Variants in ATOSA observed in about 807,000 individuals in gnomAD.
The protein encoded by ATOSA is atos homolog protein A.
chr15:52,636,124 TA>T, the ATOSA span, among the ~76,000 whole-genome samples: 467 of 35,220 alleles, frequency 0.013, 2 homozygotes, highest in East Asian at 0.053. Flanking sequence ...ATAAATTTAA[TA>T]AATATATATT....
chr15:52,640,571 C>CAAAAAAAAAAAAAAA, the ATOSA span, among the ~76,000 whole-genome samples: 18 of 27,570 alleles, frequency 6.5e-4, 3 homozygotes, highest in African/African-American at 3.4e-3. Flanking sequence ...ACTCAAGTCT[C>CAAAAAAAAAAAAAAA]AAAAAAAAAA....
the ATOSA span, among the ~76,000 whole-genome samples, chr15:52,602,019 TTTCTTA>T: frequency 1.3e-5 from 2 of 152,172 alleles, no homozygotes; most frequent in Non-Finnish European, 2.9e-5. Flanking sequence ...AATATTGCAT[TTTCTTA>T]TTCTATTTAG....
the ATOSA span, among the ~76,000 whole-genome samples, chr15:52,597,864 C>T: frequency 2.0e-5 from 3 of 152,170 alleles, no homozygotes; most frequent in Admixed American, 6.5e-5. Context: ...GTGGCTTATG[C>T]CTGTAATCCC....
At chr15:52,598,675 T>C in the ATOSA span, 7 of 152,202 alleles carry the variant, frequency 4.6e-5, no homozygotes, top group Non-Finnish European at 1.5e-5. Context: ...GGAAAATGTA[T>C]GTATATCTGC....
the ATOSA span, among the ~76,000 whole-genome samples, chr15:52,703,013 A>G: frequency 1.3e-5 from 2 of 152,190 alleles, no homozygotes; most frequent in Admixed American, 1.3e-4. Flanking sequence ...CTAAATGTCA[A>G]TTATCAGGTA....
At chr15:52,617,342 A>G in the ATOSA span, among the ~76,000 whole-genome samples, 1 of 152,134 alleles carries the variant, frequency 6.6e-6, no homozygotes, top group Non-Finnish European at 1.5e-5. Flanking sequence ...TGAGCCAGGA[A>G]GAGAGCTCTC....
the ATOSA span, among the ~76,000 whole-genome samples, chr15:52,584,105 A>G: frequency 2.6e-5 from 4 of 151,160 alleles, no homozygotes; most frequent in South Asian, 2.1e-4. Context: ...AAAAAAAAAA[A>G]AAAAAGAAAA....
the ATOSA span, among the ~76,000 whole-genome samples, chr15:52,652,265 G>A: frequency 1.3e-5 from 2 of 152,194 alleles, no homozygotes; most frequent in East Asian, 1.9e-4. Flanking sequence ...GTATTCTAGC[G>A]TTTGCCCCTG....
the ATOSA span, among the ~76,000 whole-genome samples, chr15:52,638,371 C>G: frequency 5.3e-5 from 8 of 152,028 alleles, no homozygotes; most frequent in African/African-American, 1.9e-4. Flanking sequence ...AAGAGTGAAC[C>G]CTAACGTAAA....
At chr15:52,606,116 C>T in the ATOSA span, among the ~76,000 whole-genome samples, 3 of 151,868 alleles carry the variant, frequency 2.0e-5, no homozygotes, top group South Asian at 2.1e-4. Flanking sequence ...GGATAAGGGG[C>T]GACTACTGTA....
the ATOSA span, among the ~76,000 whole-genome samples, chr15:52,597,201 T>TTC: frequency 1.3e-4 from 1 of 7,674 alleles, no homozygotes; most frequent in African/African-American, 5.2e-4. Flanking sequence ...TTCTATTCTA[T>TTC]TCTATTCTAT....
At chr15:52,608,519 C>A in the ATOSA span, 8 of 1,511,002 alleles carry the variant, frequency 5.3e-6, no homozygotes, top group Middle Eastern at 1.9e-4. Flanking sequence ...AAAATTTAAA[C>A]CATAACAAAT....
the ATOSA span, among the ~76,000 whole-genome samples, chr15:52,616,767 G>T: frequency 4.0e-3 from 610 of 152,274 alleles, 3 homozygotes; most frequent in Non-Finnish European, 7.0e-3. Context: ...AATGACCATA[G>T]ACTGCCATGG....
chr15:52,680,782 T>C, the ATOSA span, among the ~76,000 whole-genome samples: 3 of 152,208 alleles, frequency 2.0e-5, no homozygotes, highest in Non-Finnish European at 4.4e-5. Flanking sequence ...ATCTATAAAA[T>C]GCTACAAATG....
chr15:52,613,799 C>T, the ATOSA span: 2 of 1,613,838 alleles, frequency 1.2e-6, no homozygotes, highest in Non-Finnish European at 1.7e-6. Flanking sequence ...CTGTTATCAG[C>T]AAGGCCAAAG....
the ATOSA span, chr15:52,581,696 T>C: frequency 1.3e-5 from 2 of 152,916 alleles, no homozygotes; most frequent in East Asian, 3.8e-4. Context: ...TTATTCTCAT[T>C]TTCAATAACT....
chr15:52,581,910 G>C, the ATOSA span: 2 of 363,486 alleles, frequency 5.5e-6, no homozygotes, highest in Admixed American at 9.3e-5. Flanking sequence ...ATCTAACTGG[G>C]GGTTTTGCTA....
At chr15:52,613,837 C>T in the ATOSA span, 1 of 1,613,602 alleles carries the variant, frequency 6.2e-7, no homozygotes, top group Non-Finnish European at 8.5e-7. Context: ...GCATCATATT[C>T]AAAATATTCA....
chr15:52,661,931 C>CAAAAAA, the ATOSA span, among the ~76,000 whole-genome samples: 45 of 73,134 alleles, frequency 6.2e-4, no homozygotes, highest in East Asian at 2.1e-3. Flanking sequence ...CAAGCCAGGC[C>CAAAAAA]AAAAAAAAAA....
Sources: gnomAD v4.1 joint callset for allele counts (sites outside exome capture counted in the v4.1 genomes callset) on GRCh38, gnomAD v4.1.1 for gene constraint, MANE v1.5 for transcripts, NCBI Gene and HGNC (gene_info 2026-07-23, HGNC 2026-07-21) for gene names.